ATF1: variants seen among roughly 807,000 people sequenced by gnomAD.
ATF1 encodes the protein cyclic AMP-dependent transcription factor ATF-1.
Under a neutral mutation model 34.7 loss-of-function variants are expected in ATF1, and 16 were observed. The ratio of observed to expected loss-of-function variants is 0.46; its 90% confidence interval spans 0.31 to 0.70. ATF1 has a LOEUF of 0.70. ATF1 is among the 30% of genes least tolerant of loss of function. The pLI is 0.05. For synonymous variants in ATF1, 105 were observed against 113.1 expected (o/e 0.93, Z 0.46); for missense variants, 255 against 321.6 (o/e 0.79, Z 1.58).
intron 2 of ATF1, among the ~76,000 whole-genome samples, chr12:50,784,032 G>A (rs1288858198): frequency 1.3e-5 from 2 of 151,738 alleles, no homozygotes; most frequent in African/African-American, 2.4e-5. Context: ...GTGTGGTGGC[G>A]TTTGTCTGCA....
chr12:50,796,413 A>T (rs186966410), intron 3 of ATF1, among the ~76,000 whole-genome samples: 4 of 152,114 alleles, frequency 2.6e-5, no homozygotes, highest in African/African-American at 9.6e-5. Context: ...ATGAAATTGG[A>T]CCTTTGGCCG....
intron 2 of ATF1, among the ~76,000 whole-genome samples, chr12:50,794,614 C>T (rs1561422): frequency 0.63 from 96,019 of 151,444 alleles, 30,664 homozygotes; most frequent in South Asian, 0.69. Flanking sequence ...TAACTTTGGA[C>T]AAATGTTGGA....
At chr12:50,779,458 T>C (rs1000141638) in intron 1 of ATF1, among the ~76,000 whole-genome samples, 2 of 152,188 alleles carry the variant, frequency 1.3e-5, no homozygotes, top group African/African-American at 2.4e-5. Flanking sequence ...CTAATGGGTA[T>C]GTATGAGGTG....
Position 50,795,907 on chromosome 12 carries a change from A to G in ATF1, c.94-2A>G, listed in dbSNP as rs769363120. 3 of 1,607,422 alleles carry G rather than the reference A, an allele frequency of 1.9e-6. No homozygotes were observed. The highest frequency in any genetic ancestry group is 2.6e-6 in the Non-Finnish European group (3 of 1,176,228). On this transcript the variant is annotated splice_acceptor_variant, in intron 2 of 6. Coordinates refer to ENST00000262053, the MANE Select transcript of ATF1 (RefSeq NM_005171.5). LOFTEE classifies it high-confidence loss of function. ...ATCATGTTAATGCCAGTTCTTTTTT[A>G]GGTATCATCTTTATCAGAAAGTGAG...
chr12:50,767,510 C>G (rs891811668), intron 1 of ATF1, among the ~76,000 whole-genome samples: 2 of 152,168 alleles, frequency 1.3e-5, no homozygotes, highest in African/African-American at 4.8e-5. Flanking sequence ...CAGAGCGAGA[C>G]TCCATGTCCA....
intron 3 of ATF1, 55 bp from the exon 4 acceptor site, chr12:50,809,398 ATTT>A: frequency 4.7e-6 from 5 of 1,071,852 alleles, no homozygotes; most frequent in Non-Finnish European, 5.1e-6. Context: ...AAAAAAAATT[ATTT>A]TTGTGAAGTC....
intron 2 of ATF1, among the ~76,000 whole-genome samples, chr12:50,784,402 A>G (rs939542241): frequency 2.0e-5 from 3 of 152,184 alleles, no homozygotes; most frequent in Non-Finnish European, 4.4e-5. Context: ...CAAGGTAGAC[A>G]GAGACATTTG....
At chr12:50,769,692 C>T (rs1940725394) in intron 1 of ATF1, among the ~76,000 whole-genome samples, 1 of 152,070 alleles carries the variant, frequency 6.6e-6, no homozygotes, top group Admixed American at 6.6e-5. Context: ...ATATTGTGTG[C>T]CACAGAAGTA....
In ATF1 at chr12:50,819,755, T is replaced by G; in HGVS notation, c.792T>G (p.Asp264Glu). The change falls in exon 7 of 7, where the codon GAT becomes GAG. Residue 264 changes from aspartate (D) to glutamate (E), a missense_variant. Physicochemically the swap from Asp to Glu is conservative, Grantham distance 45. Around this residue, in one of 2 missense-constraint regions of ATF1, gnomAD observed 34 missense variants for 70.8 expected, o/e 0.48. Coordinates refer to ENST00000262053, the MANE Select transcript of ATF1 (RefSeq NM_005171.5). Reference protein sequence around the residue: ...TLIEELKTLKDLYSNKSV With the variant: ...TLIEELKTLKELYSNKSV The stretch of plus-strand genomic sequence containing the variant: ...TAGAAGAGTTAAAAACTTTGAAGGA[T>G]CTTTATTCCAATAAAAGTGTTTGAT... The G allele has an allele frequency of 6.4e-7, 1 of 1,567,196 alleles. No homozygotes were observed. The highest frequency in any genetic ancestry group is 8.7e-7 in the Non-Finnish European group (1 of 1,151,832).
intron 1 of ATF1, among the ~76,000 whole-genome samples, chr12:50,778,177 A>G (rs950159582): frequency 6.7e-6 from 1 of 148,160 alleles, no homozygotes; most frequent in Non-Finnish European, 1.5e-5. Context: ...CAGCCTCCCA[A>G]TGTGTTGAGA....
At position 50,809,907 on chromosome 12, in the gene ATF1, C is replaced by G. The variant is rs9804973; in HGVS notation, c.328+318C>G. Among the ~76,000 whole-genome samples the G allele has an allele frequency of 5.9e-3, 900 of 152,334 alleles. 6 individuals carry two copies. Among genetic ancestry groups the G allele is most frequent in the African/African-American group, 0.021 (862 of 41,584 alleles). ...GGAGTGCAGTGGCACAATCTTGGCT[C>G]ACTGCAACCTCTGCCTTCCCGATTC... On this transcript the variant is annotated intron_variant, in intron 4 of 6. Transcript: ENST00000262053.
At position 50,818,093 on chromosome 12, in the gene ATF1, C is replaced by T. The variant is rs1941879450; in HGVS notation, c.672-1542C>T. On this transcript the variant is annotated intron_variant, in intron 6 of 6. Transcript: ENST00000262053. ...TTCAATGAATATAAATTGGCACTAT[C>T]TCTTGACTTTAAGTGAATATAGCTT... Among the ~76,000 whole-genome samples the T allele has an allele frequency of 1.3e-5, 2 of 151,960 alleles. 1 individual carries two copies. The highest frequency in any genetic ancestry group is 4.2e-4 in the South Asian group (2 of 4,812).
intron 1 of ATF1, among the ~76,000 whole-genome samples, chr12:50,773,747 G>A (rs1940840608): frequency 6.6e-6 from 1 of 151,816 alleles, no homozygotes; most frequent in African/African-American, 2.4e-5. Context: ...CCACCACCAC[G>A]CCTGGCTAAT....
At chr12:50,784,931 T>C (rs1190826201) in intron 2 of ATF1, among the ~76,000 whole-genome samples, 1 of 151,686 alleles carries the variant, frequency 6.6e-6, no homozygotes, top group Non-Finnish European at 1.5e-5. Context: ...AGTTTTAGGG[T>C]ACATGTGCAC....
At chr12:50,785,696 C>A (rs1217640605) in intron 2 of ATF1, among the ~76,000 whole-genome samples, 1 of 152,092 alleles carries the variant, frequency 6.6e-6, no homozygotes, top group Admixed American at 6.6e-5. Context: ...TGGCAGAATT[C>A]TTTTCACTGT....
At chr12:50,768,635 T>C (rs1476289184) in intron 1 of ATF1, among the ~76,000 whole-genome samples, 1 of 151,758 alleles carries the variant, frequency 6.6e-6, no homozygotes, top group African/African-American at 2.4e-5. Flanking sequence ...GTGTGTAATA[T>C]TTATATAAAA....
rs1474301591 is a variant in ATF1 at position 50,764,317 on chromosome 12, G to C, written c.-7+10G>C. On this transcript the variant is annotated intron_variant, in intron 1 of 6. Coordinates refer to ENST00000262053, the MANE Select transcript of ATF1 (RefSeq NM_005171.5). Reference sequence around the variant, plus strand: ...GAGGCGGCAGCCACAGGTAAGTGGGGGGCGGGGAGGGACGTGCCCCGTGGC... The same window carrying C: ...GAGGCGGCAGCCACAGGTAAGTGGGCGGCGGGGAGGGACGTGCCCCGTGGC... The C allele has an allele frequency of 6.6e-6, 1 of 152,064 alleles. No individual in the cohort carries two copies. The highest frequency in any genetic ancestry group is 1.5e-5 in the Non-Finnish European group (1 of 67,990). 9.4% of individuals were successfully genotyped at this position (152,064 alleles called of 1,614,324 possible). A position where few individuals can be genotyped will look rare whatever the true frequency, so the allele number is the denominator to read the frequency against.
intron 6 of ATF1, 48 bp downstream of exon 6, chr12:50,814,487 C>G: frequency 1.3e-6 from 2 of 1,564,832 alleles, no homozygotes; most frequent in Non-Finnish European, 1.8e-6. Flanking sequence ...TTTTACAAAT[C>G]TCACAACATA....
At chr12:50,774,451 T>C (rs1278488055) in intron 1 of ATF1, among the ~76,000 whole-genome samples, 2 of 152,200 alleles carry the variant, frequency 1.3e-5, no homozygotes, top group East Asian at 3.8e-4. Flanking sequence ...GAAGCGGTGT[T>C]TCACTACTCC....
Sources: gnomAD v4.1 joint callset for allele counts (sites outside exome capture counted in the v4.1 genomes callset) on GRCh38, gnomAD v4.1.1 for gene constraint, gnomAD v4.1.1 regional missense constraint, MANE v1.5 for transcripts, NCBI Gene and HGNC (gene_info 2026-07-23, HGNC 2026-07-21) for gene names.